EPB41: variants seen among roughly 807,000 people sequenced by gnomAD.
The protein encoded by EPB41 is protein 4.1.
Under a neutral mutation model 108.0 loss-of-function variants are expected in EPB41, and 65 were observed. That is an observed-to-expected ratio of 0.60 (90% CI 0.49 to 0.74). EPB41 has a LOEUF of 0.74. Ranked by LOEUF, EPB41 falls within the 30% of genes least tolerant of loss-of-function variation. The pLI is 0.00. For synonymous variants in EPB41, 336 were observed against 358.9 expected (o/e 0.94, Z 0.72); for missense variants, 875 against 1,037.0 (o/e 0.84, Z 2.15).
intron 16 of EPB41, among the ~76,000 whole-genome samples, chr1:29,080,097 A>ATTATTTATTTATTTATTTATTTAT (rs33953606): frequency 4.1e-5 from 6 of 145,736 alleles, no homozygotes; most frequent in South Asian, 2.2e-4. Context: ...ATAAAGCAAC[A>ATTATTTATTTATTTATTTATTTAT]TTATTTATTT....
chr1:28,900,601 C>T (rs1212018522), intron 1 of EPB41, among the ~76,000 whole-genome samples: 1 of 151,888 alleles, frequency 6.6e-6, no homozygotes, highest in East Asian at 1.9e-4. Context: ...TCATTTACTT[C>T]TCTTCTCTTG....
chr1:29,083,921 T>G (rs1477976135), intron 16 of EPB41, among the ~76,000 whole-genome samples: 1 of 152,362 alleles, frequency 6.6e-6, no homozygotes, highest in Non-Finnish European at 1.5e-5. Context: ...TTGCATGTTG[T>G]AGACCATCTG....
intron 9 of EPB41, among the ~76,000 whole-genome samples, chr1:29,033,530 A>G (rs555565639): frequency 1.3e-5 from 2 of 152,350 alleles, no homozygotes; most frequent in African/African-American, 4.8e-5. Flanking sequence ...AACTTAATGG[A>G]AAAATATTTT....
chr1:29,094,300 C>T (rs142311106), intron 16 of EPB41, among the ~76,000 whole-genome samples: 1 of 150,970 alleles, frequency 6.6e-6, no homozygotes, highest in Non-Finnish European at 1.5e-5. Context: ...TTTTTGAGGC[C>T]GAGTCTCATT....
chr1:29,112,596 G>A, intron 19 of EPB41, 148 bp downstream of exon 19: 1 of 690,988 alleles, frequency 1.4e-6, no homozygotes, highest in Non-Finnish European at 2.6e-6. Flanking sequence ...GACAATCAAA[G>A]TAAGAGGCCT....
At chr1:28,988,846 C>A (rs937385471) in intron 2 of EPB41, among the ~76,000 whole-genome samples, 1 of 152,112 alleles carries the variant, frequency 6.6e-6, no homozygotes, top group African/African-American at 2.4e-5. Context: ...ACCACCATGC[C>A]TGTCCATTTA....
At chr1:29,043,002 T>A (rs1428129936) in intron 11 of EPB41, among the ~76,000 whole-genome samples, 2 of 152,218 alleles carry the variant, frequency 1.3e-5, no homozygotes. Flanking sequence ...TATTTATTAC[T>A]TTGTTCAACA....
chr1:29,086,273 T>C (rs1658864553), intron 16 of EPB41, among the ~76,000 whole-genome samples: 1 of 150,562 alleles, frequency 6.6e-6, no homozygotes, highest in Admixed American at 6.6e-5. Context: ...CTTTTGTCTT[T>C]CCTTTTTTTT....
intron 5 of EPB41, among the ~76,000 whole-genome samples, chr1:29,012,432 A>G (rs1449826396): frequency 6.6e-6 from 1 of 152,226 alleles, no homozygotes; most frequent in Non-Finnish European, 1.5e-5. Context: ...AAAGACAAGA[A>G]TTGCTTGCCA....
At chr1:28,971,475 G>A (rs1266418872) in intron 1 of EPB41, among the ~76,000 whole-genome samples, 3 of 151,994 alleles carry the variant, frequency 2.0e-5, no homozygotes, top group Non-Finnish European at 4.4e-5. Context: ...ATGAGCCACC[G>A]CGCCCGGTTG....
chr1:28,916,164 A>T (rs989752844), intron 1 of EPB41, among the ~76,000 whole-genome samples: 3 of 152,232 alleles, frequency 2.0e-5, no homozygotes, highest in Non-Finnish European at 4.4e-5. Context: ...TATCTGGCGT[A>T]CAGTAAGCAC....
chr1:29,012,921 A>G lies in EPB41; in HGVS notation c.829+1014A>G, dbSNP rs190010106. ...ATATTTGAGACACCACAAGAAAAAT[A>G]TAACTCCTTGCTCCTTTCAATGAAA... On this transcript the variant is annotated intron_variant, in intron 5 of 20. Coordinates refer to ENST00000343067, the MANE Select transcript of EPB41 (RefSeq NM_001376013.1). Among the ~76,000 whole-genome samples the G allele has an allele frequency of 1.1e-3, 165 of 152,328 alleles. No individual in the cohort carries two copies. In the Middle Eastern group the frequency reaches 0.02, roughly 19 times the overall value.
chr1:29,092,116 A>C (rs1264468969), intron 16 of EPB41, among the ~76,000 whole-genome samples: 1 of 52,908 alleles, frequency 1.9e-5, no homozygotes, highest in East Asian at 4.0e-4. Context: ...TTTTTTTTTG[A>C]GACGGAGTTT....
chr1:28,929,530 A>AATTTTTACT (rs1158319417), intron 1 of EPB41, among the ~76,000 whole-genome samples: 20 of 112,280 alleles, frequency 1.8e-4, no homozygotes, highest in African/African-American at 6.6e-4. Context: ...GCGCCCGGCC[A>AATTTTTACT]ATTTTTACTA....
At chr1:28,950,416 A>G (rs889894652) in intron 1 of EPB41, among the ~76,000 whole-genome samples, 3 of 152,238 alleles carry the variant, frequency 2.0e-5, no homozygotes, top group African/African-American at 7.2e-5. Flanking sequence ...GTCCACAATC[A>G]GGCTTTATAT....
intron 1 of EPB41, among the ~76,000 whole-genome samples, chr1:28,965,725 T>C (rs1041506884): frequency 1.2e-4 from 18 of 152,166 alleles, no homozygotes; most frequent in African/African-American, 4.3e-4. Context: ...CATTACCATT[T>C]GTAGTGATGC....
intron 16 of EPB41, among the ~76,000 whole-genome samples, chr1:29,086,574 C>T (rs968867148): frequency 6.6e-6 from 1 of 151,956 alleles, no homozygotes; most frequent in Non-Finnish European, 1.5e-5. Context: ...GCCCGGCCAC[C>T]TTAAGATCCT....
intron 1 of EPB41, among the ~76,000 whole-genome samples, chr1:28,964,100 A>G (rs927918887): frequency 6.6e-6 from 1 of 152,156 alleles, no homozygotes; most frequent in Admixed American, 6.5e-5. Context: ...TCTCTCTCAC[A>G]CACACATTAA....
intron 1 of EPB41, among the ~76,000 whole-genome samples, chr1:28,930,853 A>C (rs1310561389): frequency 6.6e-6 from 1 of 152,168 alleles, no homozygotes; most frequent in Non-Finnish European, 1.5e-5. Flanking sequence ...AAAAGTTCTC[A>C]ATAAAAATCC....
Sources: allele counts gnomAD v4.1 joint callset (sites outside exome capture counted in the v4.1 genomes callset), GRCh38; gene constraint gnomAD v4.1.1; transcripts MANE v1.5; gene names NCBI Gene and HGNC (gene_info 2026-07-23, HGNC 2026-07-21).